Variants in CCDC73 observed in about 807,000 individuals in gnomAD.
CCDC73 encodes coiled-coil domain containing 73, also known as coiled-coil domain-containing protein 73.
In CCDC73, 95 loss-of-function variants were observed where a neutral mutation model predicts 116.5. The ratio of observed to expected loss-of-function variants is 0.82; its 90% CI spans 0.69 to 0.97. The LOEUF is 0.97. CCDC73 is among the 50% of genes least tolerant of loss of function. The pLI is 0.00. For synonymous variants in CCDC73, 398 were observed against 401.3 expected, an observed-to-expected ratio of 0.99 and a Z score of 0.10; for missense variants, 1,066 against 1,206.8, an observed-to-expected ratio of 0.88 and a Z score of 1.73.
At chr11:32,620,873 T>A (rs1321336118) in intron 14 of CCDC73, among the ~76,000 whole-genome samples, 1 of 152,020 alleles carries the variant, frequency 6.6e-6, no homozygotes, top group African/African-American at 2.4e-5. Context: ...CATTCCTATA[T>A]GCCAACAATA....
At chr11:32,728,712 T>C (rs1304839376) in intron 2 of CCDC73, among the ~76,000 whole-genome samples, 1 of 123,446 alleles carries the variant, frequency 8.1e-6, no homozygotes, top group Non-Finnish European at 2.1e-5. Context: ...TTGTTTTGTT[T>C]TGTTTTGTTT....
At chr11:32,659,557 T>C (rs1246718102) in intron 9 of CCDC73, among the ~76,000 whole-genome samples, 1 of 152,164 alleles carries the variant, frequency 6.6e-6, no homozygotes, top group African/African-American at 2.4e-5. Context: ...CTTGGAAAAG[T>C]TAACTATGAC....
At chr11:32,791,320 C>T (rs1850673659) in intron 1 of CCDC73, among the ~76,000 whole-genome samples, 1 of 152,112 alleles carries the variant, frequency 6.6e-6, no homozygotes, top group South Asian at 2.1e-4. Flanking sequence ...TGATTATTTC[C>T]CAAAGTATGT....
intron 14 of CCDC73, among the ~76,000 whole-genome samples, chr11:32,632,780 G>A (rs1204658480): frequency 6.6e-6 from 1 of 151,550 alleles, no homozygotes; most frequent in Non-Finnish European, 1.5e-5. Flanking sequence ...TATATATATA[G>A]TTTTTTTAAC....
intron 2 of CCDC73, among the ~76,000 whole-genome samples, chr11:32,746,215 G>A (rs1850237703): frequency 1.3e-5 from 2 of 152,138 alleles, no homozygotes; most frequent in East Asian, 3.8e-4. Flanking sequence ...GAAATTCTGG[G>A]TTGAAAATTC....
the CCDC73 span, among the ~76,000 whole-genome samples, chr11:32,824,826 G>A: frequency 6.6e-6 from 1 of 152,242 alleles, no homozygotes; most frequent in Middle Eastern, 3.2e-3. Context: ...GCTCATGCCT[G>A]TAATCCCAGC....
At chr11:32,766,869 CA>C (rs1201564344) in intron 1 of CCDC73, among the ~76,000 whole-genome samples, 1 of 152,156 alleles carries the variant, frequency 6.6e-6, no homozygotes, top group Non-Finnish European at 1.5e-5. Context: ...TAGGAAGAAT[CA>C]ATATCGTGAA....
At chr11:32,745,349 G>T (rs1475754879) in intron 2 of CCDC73, among the ~76,000 whole-genome samples, 1 of 152,180 alleles carries the variant, frequency 6.6e-6, no homozygotes, top group Non-Finnish European at 1.5e-5. Context: ...TAGAATAAGT[G>T]CGATGTGGTG....
chr11:32,737,699 A>C (rs895776732), intron 2 of CCDC73, among the ~76,000 whole-genome samples: 14 of 152,014 alleles, frequency 9.2e-5, no homozygotes, highest in Admixed American at 5.2e-4. Context: ...CAAATAATCC[A>C]GTTAATACTC....
At chr11:32,819,619 C>T in the CCDC73 span, among the ~76,000 whole-genome samples, 1 of 151,958 alleles carries the variant, frequency 6.6e-6, no homozygotes, top group Non-Finnish European at 1.5e-5. Context: ...TGTGCCACTA[C>T]ACCTGACTAA....
intron 9 of CCDC73, among the ~76,000 whole-genome samples, chr11:32,665,191 G>C (rs1288033265): frequency 6.6e-6 from 1 of 152,182 alleles, no homozygotes; most frequent in African/African-American, 2.4e-5. Context: ...GTGCAGAGCT[G>C]AGTTCAATTC....
At chr11:32,789,878 C>T (rs1056701959) in intron 1 of CCDC73, among the ~76,000 whole-genome samples, 23 of 152,248 alleles carry the variant, frequency 1.5e-4, no homozygotes, top group African/African-American at 4.6e-4. Flanking sequence ...GATGGACACC[C>T]AGCATGAGAA....
chr11:32,780,270 T>A (rs1424563922), intron 1 of CCDC73, among the ~76,000 whole-genome samples: 1 of 151,740 alleles, frequency 6.6e-6, no homozygotes, highest in African/African-American at 2.4e-5. Context: ...GAAGGCTCTG[T>A]CTCAAAAAAT....
the CCDC73 span, among the ~76,000 whole-genome samples, chr11:32,822,757 T>A: frequency 1.3e-5 from 2 of 149,584 alleles, no homozygotes; most frequent in African/African-American, 4.9e-5. Context: ...TTAGAAGAAA[T>A]AAGAGGGAAG....
intron 1 of CCDC73, among the ~76,000 whole-genome samples, chr11:32,770,325 T>C (rs1776040796): frequency 6.6e-6 from 1 of 152,124 alleles, no homozygotes; most frequent in Non-Finnish European, 1.5e-5. Flanking sequence ...TTCTGCCACA[T>C]TCTATTAACT....
At chr11:32,631,051 T>C (rs12284205) in intron 14 of CCDC73, among the ~76,000 whole-genome samples, 37,406 of 152,110 alleles carry the variant, frequency 0.25, 4,734 homozygotes, top group Middle Eastern at 0.28. Flanking sequence ...TCATAAATCA[T>C]ATAGCTAATA....
At chr11:32,734,612 G>T (rs1850111881) in intron 2 of CCDC73, among the ~76,000 whole-genome samples, 1 of 151,934 alleles carries the variant, frequency 6.6e-6, no homozygotes, top group Admixed American at 6.6e-5. Context: ...TGAGATTAGG[G>T]AGTGGTGATG....
At chr11:32,770,076 GTTGT>G (rs1850479565) in intron 1 of CCDC73, among the ~76,000 whole-genome samples, 1 of 152,158 alleles carries the variant, frequency 6.6e-6, no homozygotes, top group South Asian at 2.1e-4. Flanking sequence ...GACTGGCTGG[GTTGT>G]TTGTCTGCTG....
At chr11:32,651,183 A>T (rs1207024782) in intron 12 of CCDC73, among the ~76,000 whole-genome samples, 1 of 151,920 alleles carries the variant, frequency 6.6e-6, no homozygotes. Flanking sequence ...TGGGGCCTTC[A>T]CCCCAACCCA....
Sources: allele counts gnomAD v4.1 joint callset (sites outside exome capture counted in the v4.1 genomes callset), GRCh38; gene constraint gnomAD v4.1.1; transcripts MANE v1.5; gene names NCBI Gene and HGNC (gene_info 2026-07-23, HGNC 2026-07-21).